Variants in QTRT2 observed in about 807,000 individuals in gnomAD.
QTRT2 encodes queuine tRNA-ribosyltransferase accessory subunit 2.
A neutral mutation model predicts 44.8 loss-of-function variants in QTRT2; 32 were observed. The ratio of observed to expected loss-of-function variants is 0.71; its 90% CI spans 0.54 to 0.96. The LOEUF (loss-of-function observed/expected upper bound fraction) is 0.96. Among genes scored for constraint, QTRT2 ranks in the 40% least tolerant of loss-of-function variants. The pLI is 0.00. For missense variants in QTRT2, 461 were observed against 503.1 expected (o/e 0.92, Z 0.80); for synonymous variants, 182 against 187.4 (o/e 0.97, Z 0.24).
rs146253323 is a variant in QTRT2 at position 114,064,291 on chromosome 3, G to C, written c.-21-946G>C. On this transcript the variant is annotated intron_variant, in intron 2 of 9. Transcript: ENST00000281273. The stretch of plus-strand genomic sequence containing the variant: ...GCTCATTTGTCAACTAATAAAACTG[G>C]GCCTGGCCCAGTTTTTAAGAATTCC... Among the ~76,000 whole-genome samples, 697 of 152,102 alleles carry C rather than the reference G, an allele frequency of 4.6e-3. 7 individuals are homozygous for C. Among genetic ancestry groups the C allele is most frequent in the African/African-American group, 0.016 (665 of 41,480 alleles).
chr3:114,075,199 A>C (rs568958426), intron 6 of QTRT2, among the ~76,000 whole-genome samples: 1 of 152,110 alleles, frequency 6.6e-6, no homozygotes, highest in South Asian at 2.1e-4. Context: ...CACCTCTACT[A>C]TGTTGTTATC....
At chr3:114,080,547 G>C (rs756802766) in intron 8 of QTRT2, among the ~76,000 whole-genome samples, 10 of 151,756 alleles carry the variant, frequency 6.6e-5, no homozygotes, top group Non-Finnish European at 1.3e-4. Flanking sequence ...ATGTTGCTTT[G>C]AAGGACTGCC....
chr3:114,072,412 C>T (rs749483154), intron 6 of QTRT2, among the ~76,000 whole-genome samples: 5 of 152,194 alleles, frequency 3.3e-5, no homozygotes, highest in South Asian at 2.1e-4. Flanking sequence ...CTTGGCCTCC[C>T]GAAGTGCCAT....
rs551722064 is a variant in QTRT2 at position 114,085,646 on chromosome 3, G to A, written c.1017-27G>A. ...GGATTTCTTGTATTCCGTACTTTCT[G>A]GAATGTCACTGTGACTTCTTTCTTA... On this transcript the variant is annotated intron_variant, in intron 9 of 9. Coordinates refer to ENST00000281273, the MANE Select transcript of QTRT2 (RefSeq NM_024638.4). 4 of 1,580,774 alleles carry A rather than the reference G, an allele frequency of 2.5e-6. No individual in the cohort carries two copies. The African/African-American group carries it at 5.4e-5, about 21-fold the overall frequency.
chr3:114,073,908 A>C (rs2077056379), intron 6 of QTRT2, among the ~76,000 whole-genome samples: 1 of 152,166 alleles, frequency 6.6e-6, no homozygotes, highest in African/African-American at 2.4e-5. Flanking sequence ...ATCTTTTCCC[A>C]TGATTCCCTC....
At position 114,070,797 on chromosome 3, in the gene QTRT2, CT is replaced by C. The variant is rs1559954361; in HGVS notation, c.509del (p.Phe170SerfsTer19). On this transcript the variant is annotated frameshift_variant, in exon 6 of 10. Transcript: ENST00000281273. LOFTEE classifies it high-confidence loss of function. The stretch of plus-strand genomic sequence containing the variant: ...CAGAAAGTCTGTTGACCGATCACTT[CT>C]TTTCTTGGATAACTGTCTGCGGCTG... ...RVRKSVDRSL[L>X]FLDNCLRLQE... 1 of 1,614,046 alleles carries C rather than the reference CT, an allele frequency of 6.2e-7. No individual in the cohort carries two copies. The highest frequency in any genetic ancestry group is 2.2e-5 in the East Asian group (1 of 44,868).
At chr3:114,066,549 T>G (rs1444878153) in intron 4 of QTRT2, 4 of 419,478 alleles carry the variant, frequency 9.5e-6, no homozygotes, top group Non-Finnish European at 1.8e-5. Flanking sequence ...GGGATATGTA[T>G]GGATATCATG....
At chr3:114,065,025 C>T (rs1315869404) in intron 2 of QTRT2, among the ~76,000 whole-genome samples, 2 of 152,090 alleles carry the variant, frequency 1.3e-5, no homozygotes, top group Non-Finnish European at 1.5e-5. Context: ...TAGTTGATGC[C>T]AATATGTGGT....
intron 2 of QTRT2, among the ~76,000 whole-genome samples, chr3:114,059,471 CTATTT>C (rs1357474947): frequency 6.6e-6 from 1 of 152,114 alleles, no homozygotes; most frequent in East Asian, 1.9e-4. Context: ...TGTGTGTGTA[CTATTT>C]TATTACTTCA....
intron 6 of QTRT2, among the ~76,000 whole-genome samples, chr3:114,073,415 T>C (rs2077049110): frequency 6.6e-6 from 1 of 152,180 alleles, no homozygotes; most frequent in Non-Finnish European, 1.5e-5. Context: ...GTTTTGTTCT[T>C]GTCGCCCAGG....
intron 9 of QTRT2, 31 bp from the exon 10 acceptor site, chr3:114,085,642 T>G (rs776849609): frequency 2.5e-6 from 4 of 1,571,518 alleles, no homozygotes; most frequent in Non-Finnish European, 3.5e-6. Flanking sequence ...ATTCCGTACT[T>G]TCTGGAATGT....
At chr3:114,060,492 GTAGGTAGATAGATAGATAGATAGATAGA>G (rs1559945991) in intron 2 of QTRT2, among the ~76,000 whole-genome samples, 1 of 137,184 alleles carries the variant, frequency 7.3e-6, no homozygotes, top group African/African-American at 2.8e-5. Flanking sequence ...AGGTAGGTAG[GTAGGTAGATAGATAGATAGATAGATAGA>G]TAGATAGATA....
chr3:114,080,020 T>G lies in QTRT2; in HGVS notation c.861T>G (p.Thr287=). ...YQVTERGCAL[T]FSFDYQPNPE... ...TAACAGAGCGGGGATGTGCCCTGAC[T>G]TTCAGTTTTGATTACCAGCCGAATC... Residue 287 remains threonine (T), a synonymous_variant, in exon 8 of 10, where the codon ACT becomes ACG. Transcript: ENST00000281273. 1 of 1,612,266 alleles carries G rather than the reference T, an allele frequency of 6.2e-7. No homozygotes were observed. Among genetic ancestry groups the G allele is most frequent in the Non-Finnish European group, 8.5e-7 (1 of 1,179,192 alleles).
At chr3:114,068,899 A>G (rs2076988555) in intron 5 of QTRT2, among the ~76,000 whole-genome samples, 1 of 152,162 alleles carries the variant, frequency 6.6e-6, no homozygotes, top group African/African-American at 2.4e-5. Flanking sequence ...AGATACAAAA[A>G]TTAGCCAGGT....
At position 114,065,475 on chromosome 3, in the gene QTRT2, T is replaced by C. The variant is rs1295879394; in HGVS notation, c.200+18T>C. ...TCATCCCTGTAAGTGTTAGAACCAA[T>C]GATTCAAGTATCAACTGTGGCAGCA... is the stretch of plus-strand genomic sequence containing the variant. On this transcript the variant is annotated intron_variant, in intron 3 of 9. Transcript: ENST00000281273. The C allele has an allele frequency of 6.3e-7, 1 of 1,586,778 alleles. No individual in the cohort carries two copies. Among genetic ancestry groups the C allele is most frequent in the Admixed American group, 1.7e-5 (1 of 59,720 alleles).
At chr3:114,060,472 ATAGGTAGG>A (rs796649795) in intron 2 of QTRT2, among the ~76,000 whole-genome samples, 4 of 146,614 alleles carry the variant, frequency 2.7e-5, no homozygotes, top group African/African-American at 1.0e-4. Context: ...CCCCAGATAG[ATAGGTAGG>A]TAGGTAGGTA....
At chr3:114,082,328 C>T (rs2077178639) in intron 8 of QTRT2, among the ~76,000 whole-genome samples, 1 of 152,052 alleles carries the variant, frequency 6.6e-6, no homozygotes, top group Admixed American at 6.6e-5. Context: ...GGCAATTCTC[C>T]TGCCTTAGCT....
chr3:114,079,109 C>A (rs1417979081), intron 7 of QTRT2: 3 of 152,138 alleles, frequency 2.0e-5, no homozygotes, highest in Admixed American at 6.5e-5. Context: ...CACAGCTTTG[C>A]ACTCCTAAAA....
At chr3:114,084,014 T>C (rs2077201564) in intron 9 of QTRT2, among the ~76,000 whole-genome samples, 1 of 152,096 alleles carries the variant, frequency 6.6e-6, no homozygotes, top group South Asian at 2.1e-4. Context: ...ATTCTAGCAC[T>C]GCTCTTGACT....
Sources: allele counts gnomAD v4.1 joint callset (sites outside exome capture counted in the v4.1 genomes callset), GRCh38; gene constraint gnomAD v4.1.1; transcripts MANE v1.5; gene names NCBI Gene and HGNC (gene_info 2026-07-23, HGNC 2026-07-21).